Variants in COLEC10 observed in about 807,000 individuals in gnomAD.
COLEC10 encodes the protein collectin subfamily member 10.
In COLEC10, 22 loss-of-function variants were observed where a neutral mutation model predicts 28.4. The observed-to-expected ratio is 0.78, with a 90% confidence interval of 0.55 to 1.11. COLEC10 has a LOEUF of 1.11. COLEC10 is among the 50% of genes least tolerant of loss of function. The pLI is 0.00. For synonymous variants in COLEC10, 125 were observed against 116.1 expected (o/e 1.08, Z -0.49); for missense variants, 361 against 344.1 (o/e 1.05, Z -0.39).
At chr8:119,045,267 A>G (rs911156440) in intron 2 of COLEC10, among the ~76,000 whole-genome samples, 1 of 152,226 alleles carries the variant, frequency 6.6e-6, no homozygotes, top group Non-Finnish European at 1.5e-5. Flanking sequence ...GCTCAGACAA[A>G]TGTCACTTAT....
chr8:118,960,785 G>GGAAAAAAAA, the COLEC10 span, among the ~76,000 whole-genome samples: 40 of 72,550 alleles, frequency 5.5e-4, no homozygotes, highest in African/African-American at 1.9e-3. Flanking sequence ...GAGACTCTGT[G>GGAAAAAAAA]AAAAAAAAAA....
At chr8:119,034,414 T>TA (rs1814350571) in intron 2 of COLEC10, among the ~76,000 whole-genome samples, 7 of 146,674 alleles carry the variant, frequency 4.8e-5, no homozygotes, top group African/African-American at 1.9e-4. Context: ...CTTACAGTAT[T>TA]TAAAAAAAAA....
At chr8:119,070,078 T>C (rs1034274839) in intron 1 of COLEC10, among the ~76,000 whole-genome samples, 2 of 151,966 alleles carry the variant, frequency 1.3e-5, no homozygotes, top group Admixed American at 1.3e-4. Context: ...ACAGATATTA[T>C]TTTTAAAGTC....
At chr8:119,100,709 CTA>C (rs1353553917) in intron 3 of COLEC10, among the ~76,000 whole-genome samples, 2 of 152,182 alleles carry the variant, frequency 1.3e-5, no homozygotes, top group African/African-American at 4.8e-5. Context: ...TCCTCTCAGA[CTA>C]TGTTATCTCT....
At chr8:118,963,007 C>T in the COLEC10 span, among the ~76,000 whole-genome samples, 1 of 151,958 alleles carries the variant, frequency 6.6e-6, no homozygotes, top group South Asian at 2.1e-4. Context: ...GTTGGGGAGA[C>T]AGATTAGTGA....
At chr8:118,994,699 C>T (rs142684665), upstream of COLEC10, among the ~76,000 whole-genome samples, 1 of 152,306 alleles carries the variant, frequency 6.6e-6, no homozygotes, top group African/African-American at 2.4e-5. Context: ...CTCCTCAACA[C>T]ACACACAGAG....
upstream of COLEC10, among the ~76,000 whole-genome samples, chr8:118,993,889 C>T (rs1813546647): frequency 2.0e-5 from 3 of 152,166 alleles, no homozygotes; most frequent in South Asian, 6.2e-4. Flanking sequence ...CACTGGGGCC[C>T]TGGTTAAAGA....
intron 1 of COLEC10, among the ~76,000 whole-genome samples, chr8:119,074,953 A>G (rs779339461): frequency 2.6e-5 from 4 of 152,226 alleles, no homozygotes; most frequent in Non-Finnish European, 5.9e-5. Flanking sequence ...TGGTGAGGAA[A>G]AATGAGTTAA....
the COLEC10 span, among the ~76,000 whole-genome samples, chr8:118,968,639 C>G: frequency 4.7e-4 from 71 of 151,818 alleles, no homozygotes; most frequent in Middle Eastern, 3.4e-3. Flanking sequence ...ATAATATACA[C>G]ACACACATTA....
chr8:119,085,007 G>A (rs1368498657), intron 1 of COLEC10, among the ~76,000 whole-genome samples: 1 of 152,176 alleles, frequency 6.6e-6, no homozygotes, highest in Admixed American at 6.5e-5. Flanking sequence ...AGACAGGCAT[G>A]GTGTTGAACA....
chr8:119,008,990 A>G (rs954029544), intron 1 of COLEC10, among the ~76,000 whole-genome samples: 1 of 150,594 alleles, frequency 6.6e-6, no homozygotes, highest in African/African-American at 2.5e-5. Context: ...ATACCAACTT[A>G]GAATTCTTAA....
At chr8:118,976,436 A>AGAAATT in the COLEC10 span, 1 of 152,148 alleles carries the variant, frequency 6.6e-6, no homozygotes, top group Non-Finnish European at 1.5e-5. Flanking sequence ...TGACAGCCAG[A>AGAAATT]GAAATTGTAA....
intron 1 of COLEC10, chr8:119,068,475 A>G (rs1212403927): frequency 6.6e-6 from 1 of 152,226 alleles, no homozygotes; most frequent in Non-Finnish European, 1.5e-5. Context: ...GTTCAGAAAG[A>G]AAGTTTTGAT....
chr8:119,079,939 A>G (rs1394258326), intron 1 of COLEC10, among the ~76,000 whole-genome samples: 3 of 152,104 alleles, frequency 2.0e-5, no homozygotes, highest in Non-Finnish European at 4.4e-5. Flanking sequence ...CCATATTGAC[A>G]TTGATATTTT....
intron 1 of COLEC10, among the ~76,000 whole-genome samples, chr8:119,083,085 A>G (rs1461164411): frequency 6.6e-6 from 1 of 152,156 alleles, no homozygotes; most frequent in Non-Finnish European, 1.5e-5. Flanking sequence ...ACACAAACCA[A>G]ACTTACACTC....
At chr8:118,997,677 A>C (rs1033010228) in intron 1 of COLEC10, among the ~76,000 whole-genome samples, 4 of 152,184 alleles carry the variant, frequency 2.6e-5, no homozygotes, top group African/African-American at 9.7e-5. Context: ...CCTTATAAAG[A>C]AATCTCTTTG....
At chr8:119,025,430 CA>C (rs1814173320) in intron 2 of COLEC10, among the ~76,000 whole-genome samples, 1 of 152,168 alleles carries the variant, frequency 6.6e-6, no homozygotes, top group Non-Finnish European at 1.5e-5. Flanking sequence ...TCGTGGGAAA[CA>C]CTCTCTGTGG....
At chr8:119,049,693 C>A (rs988804154) in intron 2 of COLEC10, among the ~76,000 whole-genome samples, 2 of 152,030 alleles carry the variant, frequency 1.3e-5, no homozygotes, top group African/African-American at 4.8e-5. Flanking sequence ...GGATTACAGG[C>A]GTGAGCCACC....
the COLEC10 span, among the ~76,000 whole-genome samples, chr8:118,954,950 A>C: frequency 6.6e-6 from 1 of 152,244 alleles, no homozygotes; most frequent in African/African-American, 2.4e-5. Context: ...GAGACAAGGC[A>C]TGCAGCTCTA....
Sources: allele counts gnomAD v4.1 joint callset (sites outside exome capture counted in the v4.1 genomes callset), GRCh38; gene constraint gnomAD v4.1.1; transcripts MANE v1.5; gene names NCBI Gene and HGNC (gene_info 2026-07-23, HGNC 2026-07-21).